ANGPT1: variants seen among roughly 807,000 people sequenced by gnomAD.
The protein encoded by ANGPT1 is angiopoietin 1.
A neutral mutation model predicts 62.2 loss-of-function variants in ANGPT1; 17 were observed. The observed-to-expected ratio is 0.27, with a 90% confidence interval of 0.19 to 0.41. The LOEUF is 0.41. Ranked by LOEUF, ANGPT1 falls within the 10% of genes least tolerant of loss-of-function variation. The probability of loss-of-function intolerance (pLI) is 1.00; values close to 1 mark genes in which losing one functional copy is unlikely to be tolerated. For synonymous variants in ANGPT1, 199 were observed against 198.9 expected, an observed-to-expected ratio of 1.00 and a Z score of 0.00; for missense variants, 478 against 594.9, an observed-to-expected ratio of 0.80 and a Z score of 2.04.
At chr8:107,445,125 A>G (rs1654680) in intron 1 of ANGPT1, among the ~76,000 whole-genome samples, 126,968 of 152,042 alleles carry the variant, frequency 0.84, 53,114 homozygotes, top group East Asian at 0.88. Context: ...CTGCCTATAG[A>G]GAATCACATC....
chr8:107,375,495 T>C (rs1465330034), intron 1 of ANGPT1, among the ~76,000 whole-genome samples: 1 of 152,152 alleles, frequency 6.6e-6, no homozygotes, highest in Non-Finnish European at 1.5e-5. Flanking sequence ...TAAAGCCTAG[T>C]GCTGAAGTGT....
chr8:107,285,623 T>C (rs1227963515), intron 6 of ANGPT1, among the ~76,000 whole-genome samples: 1 of 152,060 alleles, frequency 6.6e-6, no homozygotes, highest in Admixed American at 6.6e-5. Context: ...AAGTCAAGGT[T>C]GTTAAGTATT....
intron 1 of ANGPT1, among the ~76,000 whole-genome samples, chr8:107,464,255 T>C (rs1291992277): frequency 6.6e-6 from 1 of 152,140 alleles, no homozygotes; most frequent in Non-Finnish European, 1.5e-5. Context: ...GTTTCTGGCA[T>C]ATGGTCAAGG....
At chr8:107,431,205 A>G (rs1268633739) in intron 1 of ANGPT1, among the ~76,000 whole-genome samples, 1 of 152,222 alleles carries the variant, frequency 6.6e-6, no homozygotes, top group Non-Finnish European at 1.5e-5. Context: ...CATTGTATAT[A>G]GTATATTGGT....
Position 107,251,257 on chromosome 8 carries a change from A to G in ANGPT1, c.*598T>C, listed in dbSNP as rs1813242550. 2 of 152,578 alleles carry G rather than the reference A, an allele frequency of 1.3e-5. No individual in the cohort carries two copies. The highest frequency in any genetic ancestry group is 4.1e-4 in the South Asian group (2 of 4,820). 9.5% of individuals were successfully genotyped at this position (152,578 alleles called of 1,614,324 possible). On this transcript the variant is annotated 3_prime_UTR_variant, in exon 9 of 9. Coordinates refer to ENST00000517746, the MANE Select transcript of ANGPT1 (RefSeq NM_001146.5). ...ACAAAAATGGAATTTTCATTTGAAGATGGGTAAGCAGAAATCAACTAGTAA... is the reference window on the plus strand; with the variant it reads ...ACAAAAATGGAATTTTCATTTGAAGGTGGGTAAGCAGAAATCAACTAGTAA...
At chr8:107,390,482 G>A (rs1306393782) in intron 1 of ANGPT1, among the ~76,000 whole-genome samples, 1 of 152,132 alleles carries the variant, frequency 6.6e-6, no homozygotes, top group African/African-American at 2.4e-5. Flanking sequence ...ACGTTCTGAA[G>A]CTAATGAAAT....
chr8:107,490,703 A>G (rs1386743762), intron 1 of ANGPT1, among the ~76,000 whole-genome samples: 1 of 152,250 alleles, frequency 6.6e-6, no homozygotes, highest in African/African-American at 2.4e-5. Flanking sequence ...GATATTAAGT[A>G]TTTTAGGCTC....
intron 7 of ANGPT1, among the ~76,000 whole-genome samples, chr8:107,280,716 A>G (rs965927641): frequency 1.3e-5 from 2 of 152,178 alleles, no homozygotes; most frequent in Non-Finnish European, 2.9e-5. Context: ...TGGCAGCAAT[A>G]GGTGCATAAT....
At chr8:107,282,226 A>G (rs1814024905) in intron 7 of ANGPT1, among the ~76,000 whole-genome samples, 1 of 151,842 alleles carries the variant, frequency 6.6e-6, no homozygotes, top group African/African-American at 2.4e-5. Context: ...CGTGAATCGT[A>G]TACTTGAATT....
chr8:107,259,292 C>T (rs921902987), intron 8 of ANGPT1, among the ~76,000 whole-genome samples: 1 of 152,148 alleles, frequency 6.6e-6, no homozygotes, highest in Non-Finnish European at 1.5e-5. Flanking sequence ...ACTTCAAGGT[C>T]ATACACCAGT....
At chr8:107,431,808 C>CT (rs1374633750) in intron 1 of ANGPT1, among the ~76,000 whole-genome samples, 5 of 151,964 alleles carry the variant, frequency 3.3e-5, no homozygotes, top group African/African-American at 1.2e-4. Flanking sequence ...GACTAGATTG[C>CT]TTCATAAACC....
rs1814836836 is a variant in ANGPT1, at chr8:107,310,934, T to TGAGTG, written c.809-7572_809-7568dup. On this transcript the variant is annotated intron_variant, in intron 4 of 8. Transcript: ENST00000517746. Reference sequence around the variant, plus strand: ...ATGTGTGTGTGTGTATGTGTTAGTGTGAGTGTGTGTGTGTGTATGTATGTG... The same window carrying TGAGTG: ...ATGTGTGTGTGTGTATGTGTTAGTGTGAGTGGAGTGTGTGTGTGTGTATGTATGTG... Among the ~76,000 whole-genome samples the TGAGTG allele has an allele frequency of 4.0e-5, 5 of 126,240 alleles. No homozygotes were observed. The South Asian group carries it at 1.6e-3, about 40-fold the overall frequency. The allele number at this position is 126,240 out of a possible 152,430, so 82.8% of individuals were successfully genotyped here.
chr8:107,440,008 A>G (rs1022734875), intron 1 of ANGPT1, among the ~76,000 whole-genome samples: 1 of 152,188 alleles, frequency 6.6e-6, no homozygotes, highest in African/African-American at 2.4e-5. Flanking sequence ...GGGAAAGCAG[A>G]ATAGATGGGC....
intron 3 of ANGPT1, among the ~76,000 whole-genome samples, chr8:107,325,266 G>A (rs139003656): frequency 1.3e-5 from 2 of 152,250 alleles, no homozygotes; most frequent in African/African-American, 2.4e-5. Flanking sequence ...AATTAACCAC[G>A]ACCAGTGTCT....
chr8:107,314,018 G>A (rs937242103), intron 4 of ANGPT1, among the ~76,000 whole-genome samples: 6 of 152,126 alleles, frequency 3.9e-5, no homozygotes, highest in African/African-American at 1.4e-4. Flanking sequence ...AGTGTAAAGT[G>A]CCATATCTTA....
chr8:107,377,986 A>T (rs1816562292), intron 1 of ANGPT1, among the ~76,000 whole-genome samples: 2 of 152,202 alleles, frequency 1.3e-5, no homozygotes, highest in Non-Finnish European at 2.9e-5. Context: ...GCAGCTTAAG[A>T]TATCCAAATG....
At chr8:107,381,982 G>A (rs972231084) in intron 1 of ANGPT1, among the ~76,000 whole-genome samples, 1 of 152,132 alleles carries the variant, frequency 6.6e-6, no homozygotes, top group Admixed American at 6.6e-5. Context: ...ACATGCAGGA[G>A]TCTTGGCAAG....
chr8:107,466,584 G>C (rs564671651), intron 1 of ANGPT1, among the ~76,000 whole-genome samples: 44 of 152,138 alleles, frequency 2.9e-4, no homozygotes, highest in African/African-American at 9.6e-4. Context: ...AAAATCCAAG[G>C]ATTTCAGCAT....
intron 1 of ANGPT1, among the ~76,000 whole-genome samples, chr8:107,366,876 T>G (rs1422897586): frequency 5.3e-5 from 8 of 152,196 alleles, no homozygotes; most frequent in Admixed American, 3.9e-4. Flanking sequence ...TCTGTCTCTC[T>G]GGCTCTGTCT....
Sources: gnomAD v4.1 joint callset for allele counts (sites outside exome capture counted in the v4.1 genomes callset) on GRCh38, gnomAD v4.1.1 for gene constraint, MANE v1.5 for transcripts, NCBI Gene and HGNC (gene_info 2026-07-23, HGNC 2026-07-21) for gene names.